ALG6: variants seen among roughly 807,000 people sequenced by gnomAD.
ALG6 encodes dolichyl pyrophosphate Man9GlcNAc2 alpha-1,3-glucosyltransferase.
Under a neutral mutation model 66.6 loss-of-function variants are expected in ALG6, and 46 were observed. The observed-to-expected ratio is 0.69, with a 90% CI of 0.55 to 0.88. The LOEUF is 0.88. Ranked by LOEUF, ALG6 falls within the 40% of genes least tolerant of loss-of-function variation. ALG6 has a pLI of 0.00. For synonymous variants in ALG6, 185 were observed against 203.7 expected, an observed-to-expected ratio of 0.91 and a Z score of 0.78; for missense variants, 505 against 586.8, an observed-to-expected ratio of 0.86 and a Z score of 1.44.
intron 2 of ALG6, among the ~76,000 whole-genome samples, chr1:63,383,159 C>G (rs1006966755): frequency 6.6e-6 from 1 of 151,246 alleles, no homozygotes; most frequent in Non-Finnish European, 1.5e-5. Flanking sequence ...GCCCTGTGCT[C>G]CAGCACAGGC....
chr1:63,388,624 A>T (rs1275356989), intron 2 of ALG6, among the ~76,000 whole-genome samples: 1 of 152,146 alleles, frequency 6.6e-6, no homozygotes, highest in African/African-American at 2.4e-5. Context: ...AACCTTAATG[A>T]CAGTGTTAAA....
chr1:63,401,697 A>G (rs1243126671), intron 3 of ALG6, among the ~76,000 whole-genome samples: 1 of 152,130 alleles, frequency 6.6e-6, no homozygotes, highest in Non-Finnish European at 1.5e-5. Context: ...AAGCTTATGA[A>G]CAATGGTTAT....
intron 2 of ALG6, among the ~76,000 whole-genome samples, chr1:63,385,184 C>CTTTTTTTTTTTTTTTTTTT (rs1165046824): frequency 1.7e-5 from 1 of 58,954 alleles, no homozygotes; most frequent in African/African-American, 6.6e-5. Flanking sequence ...TTTACTTCTT[C>CTTTTTTTTTTTTTTTTTTT]TTTTTTTTTT....
Position 63,400,276 on chromosome 1 carries a change from TATATAC to T in ALG6, c.168-1977_168-1972del, listed in dbSNP as rs1306926535. ...ATATGTATATATATATACGTATATA[TATATAC>T]GTATATATATATACGTATATATATG... On this transcript the variant is annotated intron_variant, in intron 3 of 14. Transcript: ENST00000263440. Among the ~76,000 whole-genome samples the T allele has an allele frequency of 3.4e-3, 74 of 21,732 alleles. 16 individuals are homozygous for T. The highest frequency in any genetic ancestry group is 0.033 in the African/African-American group (73 of 2,220). 14.3% of individuals were successfully genotyped at this position (21,732 alleles called of 152,430 possible). A position where few individuals can be genotyped will look rare whatever the true frequency, so the allele number is the denominator to read the frequency against.
At chr1:63,424,730 T>C (rs1225948409) in intron 12 of ALG6, among the ~76,000 whole-genome samples, 1 of 151,892 alleles carries the variant, frequency 6.6e-6, no homozygotes, top group African/African-American at 2.4e-5. Flanking sequence ...AAGAGTTTTA[T>C]GGATTTAGCT....
chr1:63,379,065 T>G (rs4915899), intron 2 of ALG6, among the ~76,000 whole-genome samples: 1 of 152,068 alleles, frequency 6.6e-6, no homozygotes, highest in East Asian at 1.9e-4. Flanking sequence ...AAAATTCTCG[T>G]ATCTGCATTC....
At chr1:63,431,687 CT>C (rs1644646530) in intron 14 of ALG6, among the ~76,000 whole-genome samples, 1 of 152,124 alleles carries the variant, frequency 6.6e-6, no homozygotes, top group African/African-American at 2.4e-5. Context: ...TATTTAATTT[CT>C]TTCAACAATG....
chr1:63,389,023 TTGAC>T (rs1320205547), intron 2 of ALG6, among the ~76,000 whole-genome samples: 1 of 152,216 alleles, frequency 6.6e-6, no homozygotes, highest in African/African-American at 2.4e-5. Flanking sequence ...CTTTGGGAGT[TTGAC>T]TGTTAAAAAG....
At chr1:63,389,347 T>C (rs964817480) in intron 2 of ALG6, among the ~76,000 whole-genome samples, 23 of 152,198 alleles carry the variant, frequency 1.5e-4, no homozygotes, top group Non-Finnish European at 1.5e-5. Context: ...TTCTTTTGCT[T>C]GATCAATTCT....
intron 2 of ALG6, among the ~76,000 whole-genome samples, chr1:63,382,566 C>A (rs550899386): frequency 6.6e-6 from 1 of 151,890 alleles, no homozygotes; most frequent in East Asian, 1.9e-4. Context: ...CTCTGCCTCC[C>A]GAGTTCAAGC....
intron 14 of ALG6, 77 bp downstream of exon 14, chr1:63,429,203 T>C (rs1644633024): frequency 1.9e-6 from 2 of 1,045,672 alleles, no homozygotes; most frequent in African/African-American, 3.2e-5. Context: ...AGTGATTTTC[T>C]TTTATACCTT....
Position 63,428,742 on chromosome 1 carries a change from C to G in ALG6, c.1068C>G (p.Cys356Trp). The part of the protein sequence containing the change: ...KSILLVSLPV[C>W]LVLSEIPFMS... ...TTCTTTACGATTTTAGACCAGTCTG[C>G]TTAGTTTTAAGTGAAATTCCTTTTA... The change falls in exon 13 of 15, where the codon TGC becomes TGG. Residue 356 changes from cysteine (C) to tryptophan (W), a missense_variant. Cys to Trp is a radical substitution (Grantham distance 215). Coordinates refer to ENST00000263440, the MANE Select transcript of ALG6 (RefSeq NM_013339.4). 1 of 1,605,758 alleles carries G rather than the reference C, an allele frequency of 6.2e-7. No homozygotes were observed. Among genetic ancestry groups the G allele is most frequent in the South Asian group, 1.1e-5 (1 of 89,840 alleles).
At chr1:63,420,216 TA>T (rs1458106823) in intron 12 of ALG6, among the ~76,000 whole-genome samples, 3 of 152,134 alleles carry the variant, frequency 2.0e-5, no homozygotes, top group African/African-American at 7.2e-5. Flanking sequence ...TGGCTCTAAA[TA>T]AAACAGTCTC....
chr1:63,374,795 A>G (rs955881066), intron 2 of ALG6, among the ~76,000 whole-genome samples: 1 of 152,188 alleles, frequency 6.6e-6, no homozygotes, highest in African/African-American at 2.4e-5. Flanking sequence ...CAGGAAAAAT[A>G]GGTCTTGCTG....
chr1:63,414,525 C>T (rs1009176243), intron 10 of ALG6, among the ~76,000 whole-genome samples: 2 of 152,202 alleles, frequency 1.3e-5, no homozygotes, highest in Non-Finnish European at 2.9e-5. Context: ...GCTGGGATTA[C>T]AGGCATGAGC....
rs751143086 is a variant in ALG6 at position 63,419,513 on chromosome 1, T to C, written c.1058+73T>C. On this transcript the variant is annotated intron_variant, in intron 12 of 14. Coordinates refer to ENST00000263440, the MANE Select transcript of ALG6 (RefSeq NM_013339.4). ...TTTATAATTTACATACAAATATACA[T>C]TTGAATGCAAAACAAAACTACACAA... 4.6e-6 allele frequency: 5 copies of C among 1,093,764 alleles called. No individual in the cohort carries two copies. The South Asian group carries it at 6.0e-5, about 13-fold the overall frequency. 67.8% of individuals were successfully genotyped at this position (1,093,764 alleles called of 1,614,324 possible). A position where few individuals can be genotyped will look rare whatever the true frequency, so the allele number is the denominator to read the frequency against.
In ALG6 at chr1:63,411,254, G is replaced by T; in HGVS notation, c.603G>T (p.Gln201His). 6.2e-7 allele frequency: 1 copy of T among 1,613,964 alleles called. No homozygotes were observed. The highest frequency in any genetic ancestry group is 8.5e-7 in the Non-Finnish European group (1 of 1,179,900). Residue 201 changes from glutamine (Q) to histidine (H), a missense_variant, in exon 8 of 15, where the codon CAG becomes CAT. Physicochemically the swap from Gln to His is conservative, Grantham distance 24. Transcript: ENST00000263440. ...TTTGCTTAGCTATAAATTATAAACA[G>T]ATGGAACTTTACCACGCCTTGCCAT... ...LAFCLAINYKQMELYHALPFF... is the reference protein window; with the variant it reads ...LAFCLAINYKHMELYHALPFF...
chr1:63,374,981 A>G (rs1648069171), intron 2 of ALG6, among the ~76,000 whole-genome samples: 1 of 152,082 alleles, frequency 6.6e-6, no homozygotes, highest in African/African-American at 2.4e-5. Context: ...AGGCTGAGGC[A>G]GGGGGATCAC....
chr1:63,413,756 C>A, intron 9 of ALG6: 1 of 209,390 alleles, frequency 4.8e-6, no homozygotes, highest in Non-Finnish European at 9.6e-6. Flanking sequence ...AGAAAAATTT[C>A]CAAAGATGAA....
Sources: gnomAD v4.1 joint callset for allele counts (sites outside exome capture counted in the v4.1 genomes callset) on GRCh38, gnomAD v4.1.1 for gene constraint, MANE v1.5 for transcripts, NCBI Gene and HGNC (gene_info 2026-07-23, HGNC 2026-07-21) for gene names.